Variants in ACBD6 observed in about 807,000 individuals in gnomAD.
ACBD6 encodes the protein acyl-CoA-binding domain-containing protein 6.
In ACBD6, 28 loss-of-function variants were observed where a neutral mutation model predicts 37.2. That is an observed-to-expected ratio of 0.75 (90% CI 0.56 to 1.03). The LOEUF is 1.03. Ranked by LOEUF, ACBD6 falls within the 50% of genes least tolerant of loss-of-function variation. The probability of loss-of-function intolerance (pLI) is 0.00; values close to 1 mark genes in which losing one functional copy is unlikely to be tolerated. For synonymous variants in ACBD6, 113 were observed against 126.8 expected, an observed-to-expected ratio of 0.89 and a Z score of 0.73; for missense variants, 340 against 337.4, an observed-to-expected ratio of 1.01 and a Z score of -0.06.
intron 7 of ACBD6, among the ~76,000 whole-genome samples, chr1:180,297,356 G>A (rs892298748): frequency 6.6e-6 from 1 of 152,154 alleles, no homozygotes; most frequent in Non-Finnish European, 1.5e-5. Context: ...AAACTCAGAG[G>A]TGCTTCTAAG....
chr1:180,331,442 G>C (rs1029672200), intron 6 of ACBD6, among the ~76,000 whole-genome samples: 9 of 152,128 alleles, frequency 5.9e-5, no homozygotes, highest in African/African-American at 1.9e-4. Flanking sequence ...TATATAATCA[G>C]AATTTCCATA....
At chr1:180,487,169 A>G (rs1003569628) in intron 3 of ACBD6, among the ~76,000 whole-genome samples, 2 of 152,160 alleles carry the variant, frequency 1.3e-5, no homozygotes, top group African/African-American at 2.4e-5. Flanking sequence ...CATTATAATG[A>G]TAAATTTGAA....
chr1:180,430,620 G>A (rs899212814), intron 3 of ACBD6, among the ~76,000 whole-genome samples: 4 of 151,050 alleles, frequency 2.6e-5, no homozygotes, highest in African/African-American at 7.3e-5. Context: ...CAGCAAAATC[G>A]TATCTAGATT....
At chr1:180,445,900 C>T (rs1163281356) in intron 3 of ACBD6, among the ~76,000 whole-genome samples, 1 of 152,156 alleles carries the variant, frequency 6.6e-6, no homozygotes, top group African/African-American at 2.4e-5. Context: ...TATTCCAAAG[C>T]CTGTGTTCTA....
At chr1:180,312,878 T>C (rs1205803062) in intron 7 of ACBD6, among the ~76,000 whole-genome samples, 3 of 152,182 alleles carry the variant, frequency 2.0e-5, no homozygotes, top group Non-Finnish European at 4.4e-5. Flanking sequence ...TGAGGTACAG[T>C]GTAAGTTAAG....
chr1:180,475,209 G>A (rs1288659918), intron 3 of ACBD6, among the ~76,000 whole-genome samples: 2 of 152,152 alleles, frequency 1.3e-5, no homozygotes, highest in Non-Finnish European at 2.9e-5. Context: ...AGTTTGATGA[G>A]TTTTGACGTA....
At chr1:180,440,920 C>T (rs1466613704) in intron 3 of ACBD6, among the ~76,000 whole-genome samples, 1 of 152,094 alleles carries the variant, frequency 6.6e-6, no homozygotes, top group Non-Finnish European at 1.5e-5. Context: ...TATATGTATA[C>T]AACAATGCCA....
intron 6 of ACBD6, among the ~76,000 whole-genome samples, chr1:180,352,449 GA>G (rs1218982676): frequency 1.3e-5 from 2 of 151,910 alleles, no homozygotes; most frequent in Non-Finnish European, 2.9e-5. Context: ...CTCAGCCTCC[GA>G]AAAGCTGGGA....
chr1:180,300,128 T>C (rs1571332674), intron 7 of ACBD6, among the ~76,000 whole-genome samples: 1 of 152,274 alleles, frequency 6.6e-6, no homozygotes, highest in South Asian at 2.1e-4. Context: ...CAAGGACAGC[T>C]GTCAAGCCCA....
At chr1:180,472,188 T>C (rs888305162) in intron 3 of ACBD6, among the ~76,000 whole-genome samples, 4 of 152,222 alleles carry the variant, frequency 2.6e-5, no homozygotes, top group African/African-American at 9.6e-5. Context: ...TCCTTTAAGT[T>C]AAGGTATCCT....
chr1:180,352,787 GA>G (rs1652466924), intron 6 of ACBD6, among the ~76,000 whole-genome samples: 1 of 152,214 alleles, frequency 6.6e-6, no homozygotes, highest in African/African-American at 2.4e-5. Flanking sequence ...CAGCCCTGCT[GA>G]ATCAGCATAT....
intron 6 of ACBD6, among the ~76,000 whole-genome samples, chr1:180,354,852 T>TA (rs1300049692): frequency 6.6e-6 from 1 of 152,174 alleles, no homozygotes; most frequent in East Asian, 1.9e-4. Context: ...TTATTTCTGA[T>TA]ATAGTTTTTA....
chr1:180,501,147 C>A (rs912494976), intron 1 of ACBD6, among the ~76,000 whole-genome samples: 2 of 152,160 alleles, frequency 1.3e-5, no homozygotes, highest in Admixed American at 6.5e-5. Flanking sequence ...GGAAAGGTGC[C>A]TACTCTCTAT....
At chr1:180,455,591 A>T (rs74132854) in intron 3 of ACBD6, among the ~76,000 whole-genome samples, 1 of 152,194 alleles carries the variant, frequency 6.6e-6, no homozygotes, top group South Asian at 2.1e-4. Context: ...AAAAGTTCAG[A>T]TACTTGAAAA....
At chr1:180,405,660 T>C (rs1439155705) in intron 5 of ACBD6, among the ~76,000 whole-genome samples, 1 of 152,202 alleles carries the variant, frequency 6.6e-6, no homozygotes, top group African/African-American at 2.4e-5. Context: ...TCAATAAGCA[T>C]GTATTTAGTG....
chr1:180,393,342 T>TA (rs1393835754), intron 6 of ACBD6, among the ~76,000 whole-genome samples: 8 of 152,070 alleles, frequency 5.3e-5, no homozygotes, highest in African/African-American at 1.7e-4. Flanking sequence ...GACTGAAGGG[T>TA]AAAAAATGAC....
intron 6 of ACBD6, among the ~76,000 whole-genome samples, chr1:180,369,607 A>G (rs574329545): frequency 9.2e-5 from 14 of 152,310 alleles, no homozygotes; most frequent in African/African-American, 3.4e-4. Flanking sequence ...CAACTTACTC[A>G]GTTTTTAAAA....
rs544638684 is a variant in ACBD6 at position 180,492,335 on chromosome 1, G to A, written c.318C>T (p.Ser106=). Reference sequence around the variant, plus strand: ...TATATTCCTGCATTGCTTGGCTGGGGCTTGAATCACCAAGTGCTTTCCAAG... The same window carrying A: ...TATATTCCTGCATTGCTTGGCTGGGACTTGAATCACCAAGTGCTTTCCAAG... The part of the protein sequence containing the change: ...WEAWKALGDS[S]PSQAMQEYIA... The change falls in exon 3 of 8, where the codon AGC becomes AGT. Residue 106 remains serine, a synonymous_variant. Coordinates refer to ENST00000367595, the MANE Select transcript of ACBD6 (RefSeq NM_032360.4). 1.2e-6 allele frequency: 2 copies of A among 1,613,898 alleles called. No individual in the cohort carries two copies. The highest frequency in any genetic ancestry group is 1.7e-6 in the Non-Finnish European group (2 of 1,179,962).
intron 3 of ACBD6, among the ~76,000 whole-genome samples, chr1:180,451,589 C>T (rs1337236182): frequency 6.6e-6 from 1 of 152,102 alleles, no homozygotes; most frequent in African/African-American, 2.4e-5. Context: ...TGTGAAAGAA[C>T]ACCCTGAAAA....
Sources: allele counts gnomAD v4.1 joint callset (sites outside exome capture counted in the v4.1 genomes callset), GRCh38; gene constraint gnomAD v4.1.1; transcripts MANE v1.5; gene names NCBI Gene and HGNC (gene_info 2026-07-23, HGNC 2026-07-21).